SMARCA4: variants seen among roughly 807,000 people sequenced by gnomAD.
SMARCA4 encodes SWI/SNF-related matrix-associated actin-dependent regulator of chromatin subfamily A member 4.
In SMARCA4, 31 loss-of-function variants were observed where a neutral mutation model predicts 193.9. The ratio of observed to expected loss-of-function variants is 0.16; its 90% CI spans 0.12 to 0.22. SMARCA4 has a LOEUF of 0.22. SMARCA4 is among the 10% of genes least tolerant of loss of function. The pLI is 1.00. For missense variants in SMARCA4, 1,148 were observed against 2,296.0 expected, an observed-to-expected ratio of 0.50 and a Z score of 10.22; for synonymous variants, 942 against 933.1, an observed-to-expected ratio of 1.01 and a Z score of -0.17.
At chr19:11,054,073 A>G (rs555845455) in intron 30 of SMARCA4, among the ~76,000 whole-genome samples, 1 of 152,338 alleles carries the variant, frequency 6.6e-6, no homozygotes, top group African/African-American at 2.4e-5. Flanking sequence ...CACAACAAGG[A>G]AACGTGTTTA....
At chr19:10,993,228 C>T (rs1040693878) in intron 8 of SMARCA4, among the ~76,000 whole-genome samples, 9 of 152,222 alleles carry the variant, frequency 5.9e-5, no homozygotes, top group African/African-American at 1.7e-4. Context: ...TCAAGTGATC[C>T]GCCTGCCTTG....
intron 11 of SMARCA4, among the ~76,000 whole-genome samples, chr19:10,997,982 G>A (rs1432069536): frequency 6.6e-6 from 1 of 152,202 alleles, no homozygotes; most frequent in African/African-American, 2.4e-5. Flanking sequence ...TATCTTCACA[G>A]CAGCAGAGAA....
intron 8 of SMARCA4, among the ~76,000 whole-genome samples, chr19:10,992,812 C>T (rs1264997232): frequency 1.3e-5 from 2 of 151,908 alleles, no homozygotes; most frequent in Non-Finnish European, 2.9e-5. Context: ...CTGCTGGTCT[C>T]AGACTGTTGA....
intron 34 of SMARCA4, 41 bp from the exon 35 acceptor site, chr19:11,061,743 G>A (rs753793540): frequency 6.2e-7 from 1 of 1,605,252 alleles, no homozygotes; most frequent in Middle Eastern, 1.7e-4. Context: ...GCCCTGGCAG[G>A]GGTGGCCAAC....
chr19:11,050,180 G>A (rs1471434169), intron 30 of SMARCA4, among the ~76,000 whole-genome samples: 1 of 152,260 alleles, frequency 6.6e-6, no homozygotes, highest in East Asian at 1.9e-4. Context: ...CACAGCTTCA[G>A]GGCTAGAGGG....
At chr19:11,015,294 C>T (rs1315820480) in intron 16 of SMARCA4, among the ~76,000 whole-genome samples, 1 of 152,206 alleles carries the variant, frequency 6.6e-6, no homozygotes, top group Non-Finnish European at 1.5e-5. Flanking sequence ...TCACAAGTGG[C>T]CTTGCTCTGG....
chr19:10,965,778 G>A (rs909489446), intron 1 of SMARCA4, among the ~76,000 whole-genome samples: 4 of 152,008 alleles, frequency 2.6e-5, no homozygotes, highest in South Asian at 2.1e-4. Context: ...AACAGAAAAC[G>A]TATGGGAAAA....
intron 1 of SMARCA4, among the ~76,000 whole-genome samples, chr19:10,973,473 T>G (rs1035053592): frequency 2.6e-5 from 4 of 151,704 alleles, no homozygotes; most frequent in African/African-American, 9.7e-5. Flanking sequence ...CAATCTTGGC[T>G]CACTGCAAGC....
At chr19:10,992,898 T>A (rs77789269) in intron 8 of SMARCA4, among the ~76,000 whole-genome samples, 2 of 151,874 alleles carry the variant, frequency 1.3e-5, no homozygotes, top group Non-Finnish European at 2.9e-5. Flanking sequence ...ACCACCAACA[T>A]TTTTTTATAT....
At position 10,985,214 on chromosome 19, in the gene SMARCA4, C is replaced by G. The variant is rs908964467; in HGVS notation, c.223-59C>G. 5.0e-6 allele frequency: 8 copies of G among 1,586,400 alleles called. No individual in the cohort carries two copies. The African/African-American group carries it at 8.1e-5, about 16-fold the overall frequency. ...CGAGCTTCTCTCGGGCAGCGCATAG[C>G]TGCGCTGCCACCTCACGTTCCACAT... On this transcript the variant is annotated intron_variant, in intron 2 of 34. Coordinates refer to ENST00000344626, the MANE Select transcript of SMARCA4 (RefSeq NM_003072.5). The surrounding 1 kb of genome is among the most constrained non-coding windows in gnomAD (Gnocchi z 4.5).
intron 8 of SMARCA4, among the ~76,000 whole-genome samples, chr19:10,994,417 G>T (rs923261690): frequency 6.9e-6 from 1 of 145,788 alleles, no homozygotes; most frequent in Non-Finnish European, 1.5e-5. Flanking sequence ...TCCGCCTCCC[G>T]GGTTCACGCC....
chr19:11,060,462 C>T (rs1568567201), intron 34 of SMARCA4: 3 of 541,428 alleles, frequency 5.5e-6, no homozygotes, highest in South Asian at 4.1e-5. Context: ...AGGCAGCAGG[C>T]GGTCCCAGGG....
chr19:11,017,512 C>G (rs938427090), intron 16 of SMARCA4, among the ~76,000 whole-genome samples: 1 of 152,250 alleles, frequency 6.6e-6, no homozygotes, highest in Non-Finnish European at 1.5e-5. Context: ...TATGGGCATC[C>G]GGCTGTGCCG....
At chr19:10,965,611 G>C (rs1291174333) in intron 1 of SMARCA4, among the ~76,000 whole-genome samples, 2 of 152,154 alleles carry the variant, frequency 1.3e-5, no homozygotes, top group Non-Finnish European at 2.9e-5. Flanking sequence ...AGATGATAGA[G>C]TGTGCTTACA....
chr19:11,038,618 G>T (rs1489536487), intron 29 of SMARCA4, among the ~76,000 whole-genome samples: 1 of 152,162 alleles, frequency 6.6e-6, no homozygotes, highest in Admixed American at 6.5e-5. Context: ...CACTTGTGGG[G>T]TGTTGCTGTC....
chr19:10,988,594 C>A (rs902901605), intron 6 of SMARCA4, among the ~76,000 whole-genome samples: 1 of 152,200 alleles, frequency 6.6e-6, no homozygotes, highest in African/African-American at 2.4e-5. Flanking sequence ...GCCCCAGGAC[C>A]TTTGCACAGG....
chr19:10,978,849 TG>T (rs1346744728), intron 1 of SMARCA4, among the ~76,000 whole-genome samples: 4 of 151,910 alleles, frequency 2.6e-5, no homozygotes, highest in Non-Finnish European at 4.4e-5. Context: ...CTCGGGAAGC[TG>T]AGGCACGATA....
chr19:11,027,513 C>G (rs187951385), intron 23 of SMARCA4, among the ~76,000 whole-genome samples: 1 of 152,326 alleles, frequency 6.6e-6, no homozygotes, highest in Non-Finnish European at 1.5e-5. Context: ...ACTCACAGCT[C>G]CTCTCATTTT....
At chr19:11,061,204 A>AAATAT (rs1555797070) in intron 34 of SMARCA4, among the ~76,000 whole-genome samples, 30 of 45,200 alleles carry the variant, frequency 6.6e-4, no homozygotes, top group African/African-American at 3.1e-3. Flanking sequence ...AAAAAAAAAA[A>AAATAT]ATATATATAT....
Sources: allele counts gnomAD v4.1 joint callset (sites outside exome capture counted in the v4.1 genomes callset), GRCh38; gene constraint gnomAD v4.1.1; non-coding constraint Gnocchi (gnomAD v3.1); transcripts MANE v1.5; gene names NCBI Gene and HGNC (gene_info 2026-07-23, HGNC 2026-07-21).